ADAMTS18: variants seen among roughly 807,000 people sequenced by gnomAD.
The protein encoded by ADAMTS18 is ADAM metallopeptidase with thrombospondin type 1 motif 18.
Under a neutral mutation model 165.9 loss-of-function variants are expected in ADAMTS18, and 157 were observed. The ratio of observed to expected loss-of-function variants is 0.95; its 90% CI spans 0.83 to 1.08. The LOEUF (loss-of-function observed/expected upper bound fraction) is 1.08, where lower values mean the gene tolerates loss of function less well. Among genes scored for constraint, ADAMTS18 ranks in the 50% least tolerant of loss-of-function variants. The probability of loss-of-function intolerance (pLI) is 0.00; values close to 1 mark genes in which losing one functional copy is unlikely to be tolerated. For synonymous variants in ADAMTS18, 782 were observed against 578.2 expected, an observed-to-expected ratio of 1.35 and a Z score of -5.06; for missense variants, 2,040 against 1,534.0, an observed-to-expected ratio of 1.33 and a Z score of -5.51.
At chr16:77,368,437 C>CTTTTTT (rs892324445) in intron 3 of ADAMTS18, among the ~76,000 whole-genome samples, 1 of 132,978 alleles carries the variant, frequency 7.5e-6, no homozygotes, top group Non-Finnish European at 1.6e-5. Flanking sequence ...TTCTTTTTTT[C>CTTTTTT]TTTTTTTTTT....
intron 3 of ADAMTS18, among the ~76,000 whole-genome samples, chr16:77,372,026 C>T (rs1306789348): frequency 6.6e-6 from 1 of 152,060 alleles, no homozygotes; most frequent in African/African-American, 2.4e-5. Flanking sequence ...GAAAAAAATG[C>T]TCAACATCAC....
intron 10 of ADAMTS18, 68 bp downstream of exon 10, chr16:77,353,665 C>T (rs2056586968): frequency 6.2e-7 from 1 of 1,608,838 alleles, no homozygotes; most frequent in East Asian, 2.2e-5. Flanking sequence ...CAAATGTTTA[C>T]ACTTCTGTTA....
In ADAMTS18 at chr16:77,355,966, G is replaced by C; in HGVS notation, c.1434C>G (p.Ser478Arg). The stretch of plus-strand genomic sequence containing the variant: ...TGAGGAATTTCTTGAGATACTGGCG[G>C]CTGCAGGAAGACCATGAAAACACTC... ...NNGVFSWSSC[S>R]RQYLKKFLST... The change falls in exon 9 of 23, where the codon AGC becomes AGG. Residue 478 changes from serine to arginine, a missense_variant. Coordinates refer to ENST00000282849, the MANE Select transcript of ADAMTS18 (RefSeq NM_199355.4). 6.2e-7 allele frequency: 1 copy of C among 1,614,080 alleles called. No homozygotes were observed. The highest frequency in any genetic ancestry group is 8.5e-7 in the Non-Finnish European group (1 of 1,179,966).
At chr16:77,398,103 G>A (rs909427172) in intron 3 of ADAMTS18, among the ~76,000 whole-genome samples, 20 of 152,126 alleles carry the variant, frequency 1.3e-4, no homozygotes, top group Non-Finnish European at 4.4e-5. Context: ...GATCACCTGA[G>A]GTTAGGAGTT....
intron 3 of ADAMTS18, among the ~76,000 whole-genome samples, chr16:77,396,116 T>C (rs969382121): frequency 6.6e-6 from 1 of 152,182 alleles, no homozygotes; most frequent in Non-Finnish European, 1.5e-5. Flanking sequence ...AGCCAGAATT[T>C]TCACTAGCCA....
At chr16:77,397,911 G>A (rs34010273) in intron 3 of ADAMTS18, among the ~76,000 whole-genome samples, 26,614 of 152,158 alleles carry the variant, frequency 0.17, 3,003 homozygotes, top group Non-Finnish European at 0.26. Context: ...GTTGTCCTAT[G>A]TACAGCAAAA....
intron 16 of ADAMTS18, among the ~76,000 whole-genome samples, chr16:77,306,974 CTG>C (rs1567469045): frequency 6.6e-6 from 1 of 152,182 alleles, no homozygotes; most frequent in African/African-American, 2.4e-5. Flanking sequence ...ATTCTAAAAA[CTG>C]TGTTAACTGC....
rs1328242488 is a variant in ADAMTS18 at position 77,300,286 on chromosome 16, T to C, written c.2651A>G (p.Glu884Gly). 2 of 1,614,120 alleles carry C rather than the reference T, an allele frequency of 1.2e-6. No homozygotes were observed. The highest frequency in any genetic ancestry group is 1.7e-6 in the Non-Finnish European group (2 of 1,179,994). ...PAYTWSIVQSECSVSCGGGYI... is the reference protein window; with the variant it reads ...PAYTWSIVQSGCSVSCGGGYI... Reference sequence around the variant, plus strand: ...ACCTCCACCACAGGAGACGGAGCACTCTGACTGCACGATACTCCAGGTATA... The same window carrying C: ...ACCTCCACCACAGGAGACGGAGCACCCTGACTGCACGATACTCCAGGTATA... Residue 884 changes from glutamate to glycine, a missense_variant, in exon 17 of 23, where the codon GAG (glutamate) becomes GGG (glycine). Coordinates refer to ENST00000282849, the MANE Select transcript of ADAMTS18 (RefSeq NM_199355.4).
intron 3 of ADAMTS18, among the ~76,000 whole-genome samples, chr16:77,373,222 G>A (rs1465567331): frequency 6.6e-6 from 1 of 152,044 alleles, no homozygotes; most frequent in Non-Finnish European, 1.5e-5. Flanking sequence ...CAGGTGTGGT[G>A]GTTCATGCCT....
intron 7 of ADAMTS18, among the ~76,000 whole-genome samples, chr16:77,360,447 G>A (rs1176746404): frequency 6.6e-6 from 1 of 152,116 alleles, no homozygotes; most frequent in African/African-American, 2.4e-5. Context: ...TTTGCATTAG[G>A]ACACACTGCT....
At chr16:77,402,481 G>C (rs2057343618) in intron 3 of ADAMTS18, among the ~76,000 whole-genome samples, 1 of 152,178 alleles carries the variant, frequency 6.6e-6, no homozygotes, top group Non-Finnish European at 1.5e-5. Flanking sequence ...GGTGGGGCCT[G>C]GAGCATTTGA....
At chr16:77,344,585 C>T (rs1246111854) in intron 10 of ADAMTS18, among the ~76,000 whole-genome samples, 2 of 152,036 alleles carry the variant, frequency 1.3e-5, no homozygotes, top group Non-Finnish European at 1.5e-5. Flanking sequence ...TTCTTACAGC[C>T]AGGAAAAAGC....
At chr16:77,327,707 G>C (rs1158515590) in intron 12 of ADAMTS18, among the ~76,000 whole-genome samples, 2 of 152,156 alleles carry the variant, frequency 1.3e-5, no homozygotes, top group African/African-American at 4.8e-5. Context: ...TTCTTTTACT[G>C]TATATGTGTG....
Position 77,309,217 on chromosome 16 carries a change from G to GT in ADAMTS18, c.2533-8814dup, listed in dbSNP as rs113727165. On this transcript the variant is annotated intron_variant, in intron 16 of 22. Coordinates refer to ENST00000282849, the MANE Select transcript of ADAMTS18 (RefSeq NM_199355.4). ...GCTAACGTGCGCATGTAGCTGGCTA[G>GT]TTTTTTTTTTTCTGGGAAATACAGA... Among the ~76,000 whole-genome samples the GT allele has an allele frequency of 1.4e-3, 127 of 91,342 alleles. 1 individual carries two copies. The highest frequency in any genetic ancestry group is 4.3e-3 in the South Asian group (11 of 2,556). The allele number at this position is 91,342 out of a possible 152,430, so 59.9% of individuals were successfully genotyped here. A position where few individuals can be genotyped will look rare whatever the true frequency, so the allele number is the denominator to read the frequency against.
chr16:77,334,602 T>C (rs1276881531), intron 12 of ADAMTS18, among the ~76,000 whole-genome samples: 1 of 112,142 alleles, frequency 8.9e-6, no homozygotes, highest in Non-Finnish European at 1.7e-5. Context: ...AGTATATATA[T>C]ACTACTATAG....
At position 77,319,899 on chromosome 16, in the gene ADAMTS18, G is replaced by C. The variant is rs2055959178; in HGVS notation, c.2482C>G (p.Pro828Ala). Residue 828 changes from proline (P) to alanine (A), a missense_variant, in exon 16 of 23, where the codon CCG becomes GCG. Coordinates refer to ENST00000282849, the MANE Select transcript of ADAMTS18 (RefSeq NM_199355.4). Reference protein sequence around the residue: ...TFEYQRSFNRPERLYAPGPTN... With the variant: ...TFEYQRSFNRAERLYAPGPTN... ...GGCCCTGGCGCGTACAGACGTTCCG[G>C]GCGGTTGAAAGAGCGCTGGTATTCA... 1 of 1,613,970 alleles carries C rather than the reference G, an allele frequency of 6.2e-7. No individual in the cohort carries two copies. The highest frequency in any genetic ancestry group is 1.3e-5 in the African/African-American group (1 of 74,912).
intron 12 of ADAMTS18, among the ~76,000 whole-genome samples, chr16:77,331,828 C>T (rs930985621): frequency 9.9e-5 from 15 of 152,130 alleles, no homozygotes; most frequent in African/African-American, 3.6e-4. Flanking sequence ...CTGCGATATT[C>T]GAAGCAGCAC....
intron 11 of ADAMTS18, among the ~76,000 whole-genome samples, chr16:77,339,656 A>G (rs1374840815): frequency 6.6e-6 from 1 of 151,860 alleles, no homozygotes; most frequent in Non-Finnish European, 1.5e-5. Flanking sequence ...TGATGCCTCA[A>G]AAGTAAAAAG....
intron 3 of ADAMTS18, among the ~76,000 whole-genome samples, chr16:77,383,843 A>G (rs562564714): frequency 6.6e-6 from 1 of 152,214 alleles, no homozygotes; most frequent in South Asian, 2.1e-4. Flanking sequence ...GCCTGGCCCA[A>G]AAAGCTGACT....
Sources: gnomAD v4.1 joint callset for allele counts (sites outside exome capture counted in the v4.1 genomes callset) on GRCh38, gnomAD v4.1.1 for gene constraint, MANE v1.5 for transcripts, NCBI Gene and HGNC (gene_info 2026-07-23, HGNC 2026-07-21) for gene names.